The following GLYAT variants were observed in gnomAD, a reference collection of about 807,000 sequenced individuals.
GLYAT encodes glycine N-acyltransferase.
Under a neutral mutation model 22.8 loss-of-function variants are expected in GLYAT, and 25 were observed. That is an observed-to-expected ratio of 1.09 (90% CI 0.80 to 1.53). The LOEUF is 1.53. Ranked by LOEUF, GLYAT falls within the 40% of genes most tolerant of loss-of-function variation. The pLI is 0.00. For missense variants in GLYAT, 411 were observed against 353.9 expected (o/e 1.16, Z -1.29); for synonymous variants, 140 against 122.7 (o/e 1.14, Z -0.93).
intron 2 of GLYAT, among the ~76,000 whole-genome samples, chr11:58,718,130 C>T (rs57987309): frequency 0.016 from 2,420 of 152,114 alleles, 60 homozygotes; most frequent in African/African-American, 0.055. Flanking sequence ...TAAAGGAAAG[C>T]AGTTAAAGCC....
chr11:58,711,657 ACG>A (rs1856618207), intron 4 of GLYAT, among the ~76,000 whole-genome samples: 1 of 152,170 alleles, frequency 6.6e-6, no homozygotes, highest in Admixed American at 6.5e-5. Context: ...AATTTAAAAA[ACG>A]GTAGGTAACA....
At chr11:58,724,183 G>T in intron 2 of GLYAT, 1 of 425,130 alleles carries the variant, frequency 2.4e-6, no homozygotes, top group South Asian at 5.8e-5. Context: ...TCATAGCATT[G>T]CAACTCAGTA....
intron 2 of GLYAT, among the ~76,000 whole-genome samples, chr11:58,715,981 C>G (rs1370173986): frequency 1.3e-5 from 2 of 152,126 alleles, no homozygotes; most frequent in East Asian, 3.9e-4. Context: ...GTTTAAAACT[C>G]TTTAGCATTG....
intron 4 of GLYAT, among the ~76,000 whole-genome samples, chr11:58,712,542 CA>C: frequency 6.6e-6 from 1 of 152,164 alleles, no homozygotes; most frequent in Non-Finnish European, 1.5e-5. Flanking sequence ...TCCTTGGTAC[CA>C]AGGAATTATA....
intron 3 of GLYAT, among the ~76,000 whole-genome samples, chr11:58,714,848 T>G (rs1590668571): frequency 6.6e-6 from 1 of 152,166 alleles, no homozygotes; most frequent in Admixed American, 6.6e-5. Flanking sequence ...CTGTCTCACA[T>G]ATGTCTTTAT....
chr11:58,723,080 T>A (rs1222213252), intron 2 of GLYAT, among the ~76,000 whole-genome samples: 3 of 151,994 alleles, frequency 2.0e-5, no homozygotes, highest in Non-Finnish European at 4.4e-5. Context: ...TCTCAAAATG[T>A]TTAGGATCCA....
Position 58,709,569 on chromosome 11 carries a change from G to A in GLYAT, c.*197C>T, listed in dbSNP as rs1856582879. 7 of 539,804 alleles carry A rather than the reference G, an allele frequency of 1.3e-5. No individual in the cohort carries two copies. The South Asian group carries it at 2.4e-4, about 18-fold the overall frequency. The allele number at this position is 539,804 out of a possible 1,614,324, so 33.4% of individuals were successfully genotyped here. ...CTTATGTCAAATGTAAGAGGACCTG[G>A]GCCTGCTTCCCACTGAGAAACCTGT... On this transcript the variant is annotated 3_prime_UTR_variant, in exon 6 of 6. Transcript: ENST00000344743.
intron 3 of GLYAT, 24 bp from the exon 4 acceptor site, chr11:58,712,910 A>G (rs1368819914): frequency 1.2e-5 from 18 of 1,487,820 alleles, no homozygotes; most frequent in Non-Finnish European, 1.6e-5. Flanking sequence ...GAAAAAGGAA[A>G]TAAAACACAT....
intron 3 of GLYAT, 101 bp from the exon 4 acceptor site, chr11:58,712,987 T>C (rs1856635515): frequency 2.8e-6 from 2 of 711,698 alleles, no homozygotes; most frequent in Non-Finnish European, 4.5e-6. Context: ...TATTGGTAGT[T>C]TTATTGGTGT....
intron 2 of GLYAT, among the ~76,000 whole-genome samples, chr11:58,720,683 A>G (rs999552056): frequency 6.6e-6 from 1 of 152,082 alleles, no homozygotes; most frequent in Admixed American, 6.6e-5. Flanking sequence ...TTAAAGATGC[A>G]GCTATTTTCA....
intron 1 of GLYAT, among the ~76,000 whole-genome samples, chr11:58,725,721 G>T (rs140438883): frequency 1.3e-5 from 2 of 152,230 alleles, no homozygotes; most frequent in Admixed American, 1.3e-4. Flanking sequence ...TTGGAAGGGG[G>T]CCAAGTGGGC....
chr11:58,726,979 TAAGA>T (rs1856817712), intron 1 of GLYAT, among the ~76,000 whole-genome samples: 1 of 151,672 alleles, frequency 6.6e-6, no homozygotes, highest in Admixed American at 6.6e-5. Context: ...CCCCTCCCCT[TAAGA>T]AGTGCTGACT....
chr11:58,718,858 C>T (rs1163338117), intron 2 of GLYAT, among the ~76,000 whole-genome samples: 2 of 151,942 alleles, frequency 1.3e-5, no homozygotes, highest in Non-Finnish European at 2.9e-5. Context: ...TTTATTACCT[C>T]TGTGGCACAC....
chr11:58,720,271 A>C (rs117898301), intron 2 of GLYAT, among the ~76,000 whole-genome samples: 2,090 of 152,118 alleles, frequency 0.014, 21 homozygotes, highest in South Asian at 0.045. Flanking sequence ...AAATAATGAA[A>C]TGTCTATTAT....
chr11:58,714,061 A>G lies in GLYAT; in HGVS notation c.190-1175T>C, dbSNP rs191977647. Among the ~76,000 whole-genome samples, 15 of 152,240 alleles carry G rather than the reference A, an allele frequency of 9.9e-5. No individual in the cohort carries two copies. In the East Asian group the frequency reaches 2.9e-3, roughly 29 times the overall value. On this transcript the variant is annotated intron_variant, in intron 3 of 5. Transcript: ENST00000344743. ...TTATACTTAGTGAAATAAGCCAAACACAGGCAGATACCTCATGATCTCCTT... is the reference window on the plus strand; with the variant it reads ...TTATACTTAGTGAAATAAGCCAAACGCAGGCAGATACCTCATGATCTCCTT...
At chr11:58,719,113 A>G (rs1458454527) in intron 2 of GLYAT, among the ~76,000 whole-genome samples, 5 of 152,032 alleles carry the variant, frequency 3.3e-5, no homozygotes, top group African/African-American at 1.2e-4. Flanking sequence ...GACATAATTT[A>G]TAGTTCAATT....
At chr11:58,716,382 G>C (rs995351764) in intron 2 of GLYAT, among the ~76,000 whole-genome samples, 1 of 8,368 alleles carries the variant, frequency 1.2e-4, no homozygotes, top group Admixed American at 8.0e-4. Flanking sequence ...TTTCCCTCCT[G>C]CTGCCCCTAC....
intron 1 of GLYAT, among the ~76,000 whole-genome samples, chr11:58,729,610 T>C (rs1175551781): frequency 6.6e-6 from 1 of 152,182 alleles, no homozygotes; most frequent in African/African-American, 2.4e-5. Flanking sequence ...CATGAAATGC[T>C]TGTATTAATT....
rs1018600716 is a variant in GLYAT at position 58,709,705 on chromosome 11, A to G, written c.*61T>C. 2.6e-6 allele frequency: 4 copies of G among 1,509,948 alleles called. No individual in the cohort carries two copies. The highest frequency in any genetic ancestry group is 3.6e-6 in the Non-Finnish European group (4 of 1,118,434). The allele number at this position is 1,509,948 out of a possible 1,614,324, so 93.5% of individuals were successfully genotyped here. On this transcript the variant is annotated 3_prime_UTR_variant, in exon 6 of 6. Transcript: ENST00000344743. ...AATTTATTATTTCTTTTCATCCACCATCCACTCCTCAAATTATACGCCCAG... is the reference window on the plus strand; with the variant it reads ...AATTTATTATTTCTTTTCATCCACCGTCCACTCCTCAAATTATACGCCCAG...
Sources: allele counts gnomAD v4.1 joint callset (sites outside exome capture counted in the v4.1 genomes callset), GRCh38; gene constraint gnomAD v4.1.1; transcripts MANE v1.5; gene names NCBI Gene and HGNC (gene_info 2026-07-23, HGNC 2026-07-21).